MARK3: variants seen among roughly 807,000 people sequenced by gnomAD.
MARK3 encodes MAP/microtubule affinity-regulating kinase 3.
A neutral mutation model predicts 90.1 loss-of-function variants in MARK3; 46 were observed. That is an observed-to-expected ratio of 0.51 (90% CI 0.40 to 0.65). The LOEUF (loss-of-function observed/expected upper bound fraction) is 0.65, where lower values mean the gene tolerates loss of function less well. MARK3 is among the 30% of genes least tolerant of loss of function. The pLI is 0.00. For missense variants in MARK3, 818 were observed against 947.2 expected (o/e 0.86, Z 1.79); for synonymous variants, 321 against 332.6 (o/e 0.97, Z 0.38).
intron 3 of MARK3, among the ~76,000 whole-genome samples, chr14:103,435,858 A>G (rs1040846959): frequency 1.3e-5 from 2 of 151,944 alleles, no homozygotes; most frequent in East Asian, 1.9e-4. Context: ...AGCTGGGACT[A>G]TAGGCGCGCA....
Position 103,491,773 on chromosome 14 carries a change from A to T in MARK3, c.1587-4A>T. The stretch of plus-strand genomic sequence containing the variant: ...TGAGAGCTTCTTACTTTCTGATCTC[A>T]TAGCACTATTCCTGATCAGAGAACT... On this transcript the variant is annotated splice_polypyrimidine_tract_variant and splice_region_variant and intron_variant, in intron 14 of 17. Coordinates refer to ENST00000429436, the MANE Select transcript of MARK3 (RefSeq NM_001128918.3). 3 of 1,613,698 alleles carry T rather than the reference A, an allele frequency of 1.9e-6. No homozygotes were observed. Among genetic ancestry groups the T allele is most frequent in the Non-Finnish European group, 2.5e-6 (3 of 1,179,744 alleles).
intron 5 of MARK3, among the ~76,000 whole-genome samples, chr14:103,452,706 C>A (rs538188005): frequency 6.6e-6 from 1 of 151,704 alleles, no homozygotes; most frequent in Admixed American, 6.6e-5. Flanking sequence ...CTCCTGACCT[C>A]GTGATCCGCC....
At chr14:103,407,367 ATCTC>A (rs991138640) in intron 2 of MARK3, among the ~76,000 whole-genome samples, 1 of 152,034 alleles carries the variant, frequency 6.6e-6, no homozygotes, top group South Asian at 2.1e-4. Context: ...AAGTTTCTTA[ATCTC>A]TCTACTTTTC....
At chr14:103,415,489 G>A (rs1011075172) in intron 2 of MARK3, among the ~76,000 whole-genome samples, 6 of 152,178 alleles carry the variant, frequency 3.9e-5, no homozygotes, top group African/African-American at 1.4e-4. Flanking sequence ...TGTCCTGGAA[G>A]CATCTATCCC....
At chr14:103,462,520 T>C (rs2093422443) in intron 7 of MARK3, 59 bp downstream of exon 7, 8 of 1,298,540 alleles carry the variant, frequency 6.2e-6, no homozygotes, top group Non-Finnish European at 8.8e-6. Flanking sequence ...GTTCTCTCAG[T>C]GGTCATTACA....
At chr14:103,478,376 C>G (rs980566124) in intron 13 of MARK3, among the ~76,000 whole-genome samples, 5 of 151,268 alleles carry the variant, frequency 3.3e-5, no homozygotes, top group Non-Finnish European at 7.4e-5. Flanking sequence ...CCCTCCCTTC[C>G]CCCTCATTCC....
At chr14:103,488,044 CAA>C (rs35899081) in intron 14 of MARK3, among the ~76,000 whole-genome samples, 94 of 144,700 alleles carry the variant, frequency 6.5e-4, no homozygotes, top group African/African-American at 1.1e-3. Flanking sequence ...GACTCCGTCT[CAA>C]AAAAAAAAAA....
At position 103,491,841 on chromosome 14, in the gene MARK3, G is replaced by A; in HGVS notation, c.1651G>A (p.Asp551Asn). Reference sequence around the variant, plus strand: ...CAGTATCAGTAGTGCAGCCACCCCAGATCGAATCCGCTTCCCAAGAGGCAC... The same window carrying A: ...CAGTATCAGTAGTGCAGCCACCCCAAATCGAATCCGCTTCCCAAGAGGCAC... ...THSISSAATP[D>N]RIRFPRGTAS... Residue 551 changes from aspartate to asparagine, a missense_variant, in exon 15 of 18, where the codon GAT (aspartate) becomes AAT (asparagine). Transcript: ENST00000429436. 1.2e-6 allele frequency: 2 copies of A among 1,614,188 alleles called. No homozygotes were observed. Among genetic ancestry groups the A allele is most frequent in the East Asian group, 2.2e-5 (1 of 44,886 alleles).
At chr14:103,477,416 G>A (rs1233240581) in intron 13 of MARK3, among the ~76,000 whole-genome samples, 1 of 151,834 alleles carries the variant, frequency 6.6e-6, no homozygotes, top group Non-Finnish European at 1.5e-5. Flanking sequence ...TGCTTTAACC[G>A]AGAAGATGGA....
At chr14:103,442,942 T>TCCCCACC (rs2092896343) in intron 3 of MARK3, among the ~76,000 whole-genome samples, 1 of 103,674 alleles carries the variant, frequency 9.6e-6, no homozygotes, top group Non-Finnish European at 2.1e-5. Flanking sequence ...TTGGTGGGTG[T>TCCCCACC]CCCCCCCCCT....
At chr14:103,445,057 G>A (rs996749591) in intron 3 of MARK3, among the ~76,000 whole-genome samples, 1 of 152,036 alleles carries the variant, frequency 6.6e-6, no homozygotes, top group Non-Finnish European at 1.5e-5. Context: ...TTCTATATCA[G>A]CAGCTTATAA....
intron 2 of MARK3, among the ~76,000 whole-genome samples, chr14:103,414,153 G>A (rs1469405093): frequency 6.6e-6 from 1 of 151,360 alleles, no homozygotes. Context: ...TAAAGCCTCT[G>A]GTCTGGTCTG....
intron 1 of MARK3, among the ~76,000 whole-genome samples, chr14:103,395,169 C>G (rs1028312973): frequency 2.6e-5 from 4 of 151,798 alleles, no homozygotes; most frequent in South Asian, 2.1e-4. Context: ...TAAGACTGAT[C>G]GAGATAAAGA....
chr14:103,413,838 C>T (rs975857935), intron 2 of MARK3, among the ~76,000 whole-genome samples: 2 of 152,098 alleles, frequency 1.3e-5, no homozygotes, highest in Non-Finnish European at 1.5e-5. Context: ...TCTCACTCAG[C>T]ATCATGTCTT....
At chr14:103,444,470 A>T (rs1249529007) in intron 3 of MARK3, among the ~76,000 whole-genome samples, 1 of 152,242 alleles carries the variant, frequency 6.6e-6, no homozygotes, top group Non-Finnish European at 1.5e-5. Context: ...ATGTGGAGAA[A>T]TAAGTTGTAT....
intron 1 of MARK3, among the ~76,000 whole-genome samples, chr14:103,400,218 A>G (rs2090867932): frequency 6.6e-6 from 1 of 152,084 alleles, no homozygotes. Context: ...TGTGAGCCAC[A>G]GTGCCCGGCC....
chr14:103,457,127 TTC>T lies in MARK3; in HGVS notation c.413-10_413-9del. ...AAGTAGGATTTCTACTTACTTTTATTTCTCTCACCTATAGGTGAAGTATTTGA... is the reference window on the plus strand; with the variant it reads ...AAGTAGGATTTCTACTTACTTTTATTTCTCACCTATAGGTGAAGTATTTGA... On this transcript the variant is annotated splice_polypyrimidine_tract_variant and intron_variant, in intron 5 of 17. Transcript: ENST00000429436. The T allele has an allele frequency of 6.6e-7, 1 of 1,523,144 alleles. No individual in the cohort carries two copies. Among genetic ancestry groups the T allele is most frequent in the Non-Finnish European group, 9.1e-7 (1 of 1,103,380 alleles). The allele number at this position is 1,523,144 out of a possible 1,614,324, so 94.4% of individuals were successfully genotyped here.
chr14:103,428,259 G>C, intron 2 of MARK3, 128 bp from the exon 3 acceptor site: 1 of 550,240 alleles, frequency 1.8e-6, no homozygotes. Context: ...ATTGTAACCA[G>C]CTGAGTTTTA....
At chr14:103,458,884 A>G in intron 6 of MARK3, 2 of 495,558 alleles carry the variant, frequency 4.0e-6, no homozygotes, top group Non-Finnish European at 7.2e-6. Context: ...ATTCAAATCT[A>G]GTAAAACCAA....
Sources: allele counts gnomAD v4.1 joint callset (sites outside exome capture counted in the v4.1 genomes callset), GRCh38; gene constraint gnomAD v4.1.1; transcripts MANE v1.5; gene names NCBI Gene and HGNC (gene_info 2026-07-23, HGNC 2026-07-21).